CNTNAP2: variants seen among roughly 807,000 people sequenced by gnomAD.
CNTNAP2 encodes the protein contactin associated protein 2.
CNTNAP2 carries 98 observed loss-of-function variants against 155.2 expected under a neutral mutation model. The ratio of observed to expected loss-of-function variants is 0.63; its 90% CI spans 0.54 to 0.75. The LOEUF (loss-of-function observed/expected upper bound fraction) is 0.75. Among genes scored for constraint, CNTNAP2 ranks in the 30% least tolerant of loss-of-function variants. The probability of loss-of-function intolerance (pLI) is 0.00; values close to 1 mark genes in which losing one functional copy is unlikely to be tolerated. For synonymous variants in CNTNAP2, 651 were observed against 631.2 expected (o/e 1.03, Z -0.47); for missense variants, 1,727 against 1,688.1 (o/e 1.02, Z -0.40).
At chr7:146,975,003 C>T (rs1409173155) in intron 3 of CNTNAP2, among the ~76,000 whole-genome samples, 1 of 152,078 alleles carries the variant, frequency 6.6e-6, no homozygotes, top group Non-Finnish European at 1.5e-5. Context: ...CAAGAATAGA[C>T]AGTATATTCA....
chr7:146,448,663 C>T (rs898065548), intron 1 of CNTNAP2, among the ~76,000 whole-genome samples: 9 of 152,014 alleles, frequency 5.9e-5, no homozygotes, highest in African/African-American at 2.2e-4. Context: ...AAACTACTTT[C>T]CTCTAATGGT....
At chr7:146,167,609 T>G (rs1798330779) in intron 1 of CNTNAP2, among the ~76,000 whole-genome samples, 1 of 152,236 alleles carries the variant, frequency 6.6e-6, no homozygotes, top group Non-Finnish European at 1.5e-5. Flanking sequence ...CTAGTACAAC[T>G]ATATCTTTGT....
At chr7:146,958,118 C>G (rs1355155089) in intron 3 of CNTNAP2, among the ~76,000 whole-genome samples, 9 of 152,098 alleles carry the variant, frequency 5.9e-5, no homozygotes, top group Non-Finnish European at 7.3e-5. Context: ...GGACAAGAAA[C>G]TAGCATTTAC....
At chr7:147,364,266 G>A (rs1796190288) in intron 9 of CNTNAP2, among the ~76,000 whole-genome samples, 1 of 152,262 alleles carries the variant, frequency 6.6e-6, no homozygotes, top group Middle Eastern at 3.4e-3. Context: ...GTGTCACTGT[G>A]TAATATTGCC....
At chr7:147,908,550 T>G (rs1800007955) in intron 14 of CNTNAP2, among the ~76,000 whole-genome samples, 1 of 152,068 alleles carries the variant, frequency 6.6e-6, no homozygotes, top group South Asian at 2.1e-4. Context: ...TTGGGTGTAG[T>G]CTCTCTAACT....
At chr7:146,905,798 A>C (rs1472558795) in intron 3 of CNTNAP2, among the ~76,000 whole-genome samples, 3 of 152,358 alleles carry the variant, frequency 2.0e-5, no homozygotes, top group African/African-American at 7.2e-5. Flanking sequence ...GGAGGAGCCA[A>C]GATGGCCGAA....
intron 1 of CNTNAP2, among the ~76,000 whole-genome samples, chr7:146,684,639 C>CAGAAAAAAAAAAA (rs1800562952): frequency 1.6e-5 from 1 of 63,514 alleles, no homozygotes; most frequent in East Asian, 6.0e-4. Flanking sequence ...AGATCCAGCG[C>CAGAAAAAAAAAAA]AAAAAAAAAA....
intron 4 of CNTNAP2, among the ~76,000 whole-genome samples, chr7:147,070,738 G>A (rs1317842284): frequency 6.6e-6 from 1 of 152,118 alleles, no homozygotes; most frequent in African/African-American, 2.4e-5. Flanking sequence ...CTTAGAGTAC[G>A]GATTCCATGT....
At chr7:147,642,241 A>G (rs10275640) in intron 13 of CNTNAP2, among the ~76,000 whole-genome samples, 3,640 of 152,172 alleles carry the variant, frequency 0.024, 149 homozygotes, top group African/African-American at 0.083. Flanking sequence ...CTGACCAGCA[A>G]AAGAACCTTG....
intron 1 of CNTNAP2, among the ~76,000 whole-genome samples, chr7:146,665,632 T>A (rs1800176679): frequency 6.6e-6 from 1 of 151,154 alleles, no homozygotes; most frequent in South Asian, 2.1e-4. Context: ...AAATACAAAA[T>A]TAGCCAAATG....
chr7:147,263,652 C>G (rs920335182), intron 8 of CNTNAP2, among the ~76,000 whole-genome samples: 6 of 152,072 alleles, frequency 3.9e-5, no homozygotes, highest in African/African-American at 1.4e-4. Context: ...ATTTCAGTGT[C>G]TTTTATCTCT....
intron 1 of CNTNAP2, among the ~76,000 whole-genome samples, chr7:146,729,678 T>C (rs1300111088): frequency 1.3e-5 from 2 of 152,096 alleles, no homozygotes; most frequent in Admixed American, 6.6e-5. Flanking sequence ...CTATCCCTTA[T>C]GATCACAGCC....
In CNTNAP2 at chr7:148,411,646, T is replaced by G. The variant is rs371448904; in HGVS notation, c.3796+2175T>G. Among the ~76,000 whole-genome samples, 10 of 152,308 alleles carry G rather than the reference T, an allele frequency of 6.6e-5. No individual in the cohort carries two copies. In the East Asian group the frequency reaches 1.3e-3, roughly 21 times the overall value. On this transcript the variant is annotated intron_variant, in intron 23 of 23. Transcript: ENST00000361727. ...CAAAGGTTTTGAAGATTTTCAGCTTTCTTCTAGAAGTTGTATCACTTTATC... is the reference window on the plus strand; with the variant it reads ...CAAAGGTTTTGAAGATTTTCAGCTTGCTTCTAGAAGTTGTATCACTTTATC...
intron 16 of CNTNAP2, among the ~76,000 whole-genome samples, chr7:148,135,466 C>T (rs1285573240): frequency 6.6e-6 from 1 of 152,180 alleles, no homozygotes; most frequent in East Asian, 1.9e-4. Context: ...TGATAGCATA[C>T]TATCTATTTT....
At chr7:148,358,602 T>C (rs1427837115) in intron 21 of CNTNAP2, among the ~76,000 whole-genome samples, 3 of 152,212 alleles carry the variant, frequency 2.0e-5, no homozygotes, top group Non-Finnish European at 4.4e-5. Context: ...TCCTATGCTT[T>C]TGTTTAACTT....
chr7:146,504,050 G>T (rs1311235222), intron 1 of CNTNAP2, among the ~76,000 whole-genome samples: 1 of 152,198 alleles, frequency 6.6e-6, no homozygotes, highest in Non-Finnish European at 1.5e-5. Flanking sequence ...TGATTACATA[G>T]TGCGCGGAAT....
intron 12 of CNTNAP2, among the ~76,000 whole-genome samples, chr7:147,606,477 T>C (rs554037703): frequency 3.7e-4 from 57 of 152,370 alleles, no homozygotes; most frequent in African/African-American, 1.4e-3. Context: ...AGCATTAAAC[T>C]ATCTATGTCT....
At chr7:146,997,552 G>T (rs1217628968) in intron 3 of CNTNAP2, among the ~76,000 whole-genome samples, 2 of 152,184 alleles carry the variant, frequency 1.3e-5, no homozygotes, top group East Asian at 3.9e-4. Context: ...ATTGTATCAG[G>T]ATAATGCTGG....
chr7:147,030,839 A>G (rs1799017734), intron 3 of CNTNAP2, among the ~76,000 whole-genome samples: 1 of 152,266 alleles, frequency 6.6e-6, no homozygotes, highest in African/African-American at 2.4e-5. Context: ...AGCTGTGATT[A>G]CACCACTGCA....
Sources: gnomAD v4.1 joint callset for allele counts (sites outside exome capture counted in the v4.1 genomes callset) on GRCh38, gnomAD v4.1.1 for gene constraint, MANE v1.5 for transcripts, NCBI Gene and HGNC (gene_info 2026-07-23, HGNC 2026-07-21) for gene names.